Variants in EYS observed in about 807,000 individuals in gnomAD.
EYS encodes EGF-like photoreceptor maintenance factor.
Under a neutral mutation model 282.1 loss-of-function variants are expected in EYS, and 250 were observed. The observed-to-expected ratio is 0.89, with a 90% CI of 0.80 to 0.98. The LOEUF (loss-of-function observed/expected upper bound fraction) is 0.98. Among genes scored for constraint, EYS ranks in the 50% least tolerant of loss-of-function variants. EYS has a pLI of 0.00. For missense variants in EYS, 4,016 were observed against 3,709.0 expected, an observed-to-expected ratio of 1.08 and a Z score of -2.15; for synonymous variants, 1,355 against 1,282.9, an observed-to-expected ratio of 1.06 and a Z score of -1.20.
intron 35 of EYS, among the ~76,000 whole-genome samples, chr6:63,916,484 T>C (rs1355976909): frequency 6.6e-6 from 1 of 152,222 alleles, no homozygotes; most frequent in Non-Finnish European, 1.5e-5. Flanking sequence ...AAGCATTTAT[T>C]TTCTTGTGCT....
intron 13 of EYS, among the ~76,000 whole-genome samples, chr6:65,041,607 A>T (rs1413180096): frequency 1.3e-5 from 2 of 151,554 alleles, no homozygotes; most frequent in Non-Finnish European, 3.0e-5. Flanking sequence ...TGTTAAAAAT[A>T]TTTTTTCTAA....
chr6:64,071,273 C>A (rs1351793875), intron 32 of EYS, among the ~76,000 whole-genome samples: 1 of 151,944 alleles, frequency 6.6e-6, no homozygotes, highest in Non-Finnish European at 1.5e-5. Flanking sequence ...GTTCTCTGAA[C>A]CTTTCTTTGT....
intron 22 of EYS, among the ~76,000 whole-genome samples, chr6:64,682,346 A>C (rs1366093543): frequency 1.3e-5 from 2 of 151,990 alleles, no homozygotes; most frequent in African/African-American, 4.8e-5. Flanking sequence ...CCAGCCTGGG[A>C]GACAGAGGGA....
chr6:65,522,037 T>C (rs1767392779), intron 2 of EYS, among the ~76,000 whole-genome samples: 1 of 152,168 alleles, frequency 6.6e-6, no homozygotes, highest in South Asian at 2.1e-4. Context: ...AAAAAATCAC[T>C]TTTAACATTT....
At chr6:64,290,409 CAGTA>C (rs1021279573) in intron 30 of EYS, among the ~76,000 whole-genome samples, 35 of 152,108 alleles carry the variant, frequency 2.3e-4, no homozygotes, top group African/African-American at 7.2e-4. Context: ...GGAACCAGAT[CAGTA>C]AGTGTGTTCA....
intron 28 of EYS, among the ~76,000 whole-genome samples, chr6:64,411,350 T>TGAGAATTATTG (rs1773883575): frequency 6.6e-6 from 1 of 152,056 alleles, no homozygotes; most frequent in African/African-American, 2.4e-5. Context: ...GAAATTAGGT[T>TGAGAATTATTG]AAAGTCTCTC....
chr6:65,601,951 G>A lies in EYS; in HGVS notation c.-333+37827C>T, dbSNP rs1582505491. On this transcript the variant is annotated intron_variant, in intron 2 of 42. Transcript: ENST00000503581. ...TTTGCTTTCATAGTGGGCTTATAAT[G>A]TTGGTATGAAGAAAATAAAAATAGC... is the stretch of plus-strand genomic sequence containing the variant. 2.6e-5 allele frequency among the ~76,000 whole-genome samples: 4 copies of A among 151,976 alleles called. No individual in the cohort carries two copies. The South Asian group carries it at 8.3e-4, about 32-fold the overall frequency.
chr6:64,000,215 A>G (rs1477633103), intron 33 of EYS, among the ~76,000 whole-genome samples: 2 of 73,836 alleles, frequency 2.7e-5, no homozygotes, highest in Non-Finnish European at 4.8e-5. Context: ...TTTTTTAGAC[A>G]GAGTCTCGCT....
chr6:65,451,052 A>G (rs1187392037), intron 5 of EYS, among the ~76,000 whole-genome samples: 1 of 150,314 alleles, frequency 6.7e-6, no homozygotes, highest in East Asian at 1.9e-4. Flanking sequence ...TGGCATACTT[A>G]TAATTATAAA....
intron 2 of EYS, among the ~76,000 whole-genome samples, chr6:65,614,095 T>A (rs1582519805): frequency 6.6e-6 from 1 of 152,140 alleles, no homozygotes; most frequent in East Asian, 1.9e-4. Context: ...TCTTTAAATT[T>A]CACTTATTTC....
At chr6:64,419,332 T>C (rs1431680164) in intron 28 of EYS, among the ~76,000 whole-genome samples, 2 of 152,142 alleles carry the variant, frequency 1.3e-5, no homozygotes, top group Non-Finnish European at 2.9e-5. Flanking sequence ...GGAACTACAA[T>C]TTAAGATGAG....
intron 12 of EYS, among the ~76,000 whole-genome samples, chr6:65,282,825 C>T (rs1768261253): frequency 6.6e-6 from 1 of 151,844 alleles, no homozygotes; most frequent in South Asian, 2.1e-4. Flanking sequence ...TTAATAAATA[C>T]AGTAGCATTT....
intron 12 of EYS, among the ~76,000 whole-genome samples, chr6:65,223,587 G>T (rs566197238): frequency 1.3e-5 from 2 of 152,242 alleles, no homozygotes; most frequent in South Asian, 2.1e-4. Context: ...ATGTTTGGTG[G>T]GTTGCTGAGG....
chr6:64,059,962 A>G (rs1285903711), intron 33 of EYS, among the ~76,000 whole-genome samples: 1 of 152,176 alleles, frequency 6.6e-6, no homozygotes, highest in Non-Finnish European at 1.5e-5. Flanking sequence ...GAGCTGATAA[A>G]AAGATACACA....
chr6:64,296,717 C>T (rs1405303778), intron 30 of EYS, among the ~76,000 whole-genome samples: 2 of 150,194 alleles, frequency 1.3e-5, no homozygotes, highest in Non-Finnish European at 2.9e-5. Context: ...AGCAATTCTC[C>T]TGCCTCAGCC....
At chr6:65,387,483 A>G (rs1347609417) in intron 7 of EYS, among the ~76,000 whole-genome samples, 1 of 151,896 alleles carries the variant, frequency 6.6e-6, no homozygotes, top group Non-Finnish European at 1.5e-5. Flanking sequence ...TAAATTTAAT[A>G]TAATTAAAAA....
intron 28 of EYS, among the ~76,000 whole-genome samples, chr6:64,414,598 A>G (rs1415939089): frequency 6.6e-6 from 1 of 152,172 alleles, no homozygotes; most frequent in Non-Finnish European, 1.5e-5. Context: ...AAAAAAAGAT[A>G]AGCATAATAA....
At chr6:64,776,091 A>G (rs1773668677) in intron 22 of EYS, among the ~76,000 whole-genome samples, 1 of 152,086 alleles carries the variant, frequency 6.6e-6, no homozygotes. Context: ...AAAACTAAAA[A>G]TCAAATATCA....
At chr6:64,681,984 C>T (rs1226156139) in intron 22 of EYS, among the ~76,000 whole-genome samples, 2 of 152,108 alleles carry the variant, frequency 1.3e-5, no homozygotes, top group East Asian at 3.9e-4. Flanking sequence ...CGCCGTGCCT[C>T]AAGGAACGTG....
Sources: gnomAD v4.1 joint callset for allele counts (sites outside exome capture counted in the v4.1 genomes callset) on GRCh38, gnomAD v4.1.1 for gene constraint, MANE v1.5 for transcripts, NCBI Gene and HGNC (gene_info 2026-07-23, HGNC 2026-07-21) for gene names.